DPP10: variants seen among roughly 807,000 people sequenced by gnomAD.
DPP10 encodes dipeptidyl peptidase like 10, also known as inactive dipeptidyl peptidase 10.
In DPP10, 33 loss-of-function variants were observed where a neutral mutation model predicts 120.9. That is an observed-to-expected ratio of 0.27 (90% CI 0.21 to 0.37). DPP10 has a LOEUF of 0.37. Ranked by LOEUF, DPP10 falls within the 10% of genes least tolerant of loss-of-function variation. The pLI, the probability that DPP10 is intolerant of heterozygous loss-of-function variation, is 1.00. For missense variants in DPP10, 816 were observed against 942.8 expected (o/e 0.87, Z 1.76); for synonymous variants, 337 against 326.1 (o/e 1.03, Z -0.36).
At chr2:114,546,057 C>T (rs1255523187) in intron 1 of DPP10, among the ~76,000 whole-genome samples, 1 of 152,172 alleles carries the variant, frequency 6.6e-6, no homozygotes, top group Admixed American at 6.5e-5. Context: ...CCCACCCACA[C>T]TATACAGTTC....
intron 2 of DPP10, among the ~76,000 whole-genome samples, chr2:115,310,290 C>T (rs1201508743): frequency 6.6e-6 from 1 of 151,964 alleles, no homozygotes; most frequent in Non-Finnish European, 1.5e-5. Flanking sequence ...TTTTATGAGC[C>T]CCTTAAACAC....
chr2:114,834,783 C>A (rs1256737584), intron 1 of DPP10, among the ~76,000 whole-genome samples: 2 of 142,674 alleles, frequency 1.4e-5, no homozygotes, highest in African/African-American at 2.7e-5. Flanking sequence ...TATATATAAG[C>A]CATGTCTACA....
chr2:115,502,873 GT>G (rs5833603), intron 4 of DPP10, among the ~76,000 whole-genome samples: 140,153 of 146,398 alleles, frequency 0.96, 67,270 homozygotes, highest in East Asian at 1. Flanking sequence ...TTTTAAAACA[GT>G]TTTTTTTTTT....
At chr2:114,459,813 T>A (rs183788933) in intron 1 of DPP10, among the ~76,000 whole-genome samples, 4 of 152,300 alleles carry the variant, frequency 2.6e-5, no homozygotes, top group Admixed American at 2.6e-4. Flanking sequence ...TGTAGCTATG[T>A]TTTTAATATT....
chr2:114,901,748 G>C (rs1398202856), intron 1 of DPP10, among the ~76,000 whole-genome samples: 1 of 152,094 alleles, frequency 6.6e-6, no homozygotes, highest in African/African-American at 2.4e-5. Flanking sequence ...CACAGACCAG[G>C]GCAGAGCTTT....
intron 5 of DPP10, among the ~76,000 whole-genome samples, chr2:115,688,539 AAAT>A (rs1426778265): frequency 2.6e-5 from 4 of 152,292 alleles, no homozygotes; most frequent in East Asian, 1.9e-4. Flanking sequence ...TAAATCCTGG[AAAT>A]AATAATATCA....
At chr2:115,014,697 A>T (rs1391982639) in intron 1 of DPP10, among the ~76,000 whole-genome samples, 2 of 152,154 alleles carry the variant, frequency 1.3e-5, no homozygotes, top group Admixed American at 6.5e-5. Context: ...CTACCATCAG[A>T]TAATATTATA....
chr2:115,369,861 C>T (rs1443865567), intron 3 of DPP10, among the ~76,000 whole-genome samples: 1 of 151,976 alleles, frequency 6.6e-6, no homozygotes, highest in East Asian at 1.9e-4. Flanking sequence ...TTATTCTGCC[C>T]AAGCCAAAAA....
chr2:115,388,101 C>T (rs2067076654), intron 3 of DPP10, among the ~76,000 whole-genome samples: 1 of 152,136 alleles, frequency 6.6e-6, no homozygotes, highest in South Asian at 2.1e-4. Flanking sequence ...TTATAGGTCA[C>T]ATCACTTTTT....
chr2:114,512,928 A>G (rs151160603), intron 1 of DPP10, among the ~76,000 whole-genome samples: 80 of 152,306 alleles, frequency 5.3e-4, no homozygotes, highest in African/African-American at 1.8e-3. Flanking sequence ...TAAATTATGT[A>G]AAATGCAGAT....
rs1032899697 is a variant in DPP10 at position 114,503,232 on chromosome 2, A to G, written c.60+60394A>G. ...AAGGAGGGATGTGCACAGCTAGTAC[A>G]TCTGTGATATTTGCTTTGGGATCAG... On this transcript the variant is annotated intron_variant, in intron 1 of 25. Coordinates refer to ENST00000410059, the MANE Select transcript of DPP10 (RefSeq NM_020868.6). Among the ~76,000 whole-genome samples, 3 of 152,232 alleles carry G rather than the reference A, an allele frequency of 2.0e-5. No individual in the cohort carries two copies. The South Asian group carries it at 6.2e-4, about 32-fold the overall frequency.
At chr2:115,365,456 A>G (rs1431244644) in intron 3 of DPP10, among the ~76,000 whole-genome samples, 2 of 152,012 alleles carry the variant, frequency 1.3e-5, no homozygotes, top group African/African-American at 4.8e-5. Flanking sequence ...CAAGTTGTCA[A>G]GCAGAAAATA....
At chr2:115,772,084 T>C (rs1480863084) in intron 13 of DPP10, among the ~76,000 whole-genome samples, 2 of 152,148 alleles carry the variant, frequency 1.3e-5, no homozygotes, top group Non-Finnish European at 2.9e-5. Context: ...ATGCATGTGT[T>C]TTCCTCCAGT....
intron 1 of DPP10, among the ~76,000 whole-genome samples, chr2:114,980,785 C>T (rs558024924): frequency 3.3e-5 from 5 of 152,104 alleles, no homozygotes; most frequent in African/African-American, 4.8e-5. Context: ...GCCACTGCAC[C>T]CCACCTCCAC....
chr2:115,825,565 C>T (rs182003518), intron 21 of DPP10, among the ~76,000 whole-genome samples: 1 of 152,304 alleles, frequency 6.6e-6, no homozygotes, highest in Admixed American at 6.5e-5. Context: ...GGAATTCCCT[C>T]TCCCTCTGGA....
At chr2:115,168,037 A>G (rs552400630) in intron 1 of DPP10, among the ~76,000 whole-genome samples, 1 of 152,272 alleles carries the variant, frequency 6.6e-6, no homozygotes, top group Admixed American at 6.5e-5. Context: ...TCAGGGGGTG[A>G]GATTTCAGTC....
At chr2:115,306,217 A>G (rs942682223) in intron 1 of DPP10, among the ~76,000 whole-genome samples, 5 of 152,032 alleles carry the variant, frequency 3.3e-5, no homozygotes, top group Non-Finnish European at 5.9e-5. Context: ...AGAGAAAGGA[A>G]AGTCATATCT....
intron 1 of DPP10, among the ~76,000 whole-genome samples, chr2:114,804,174 C>T (rs1684519936): frequency 1.3e-5 from 2 of 152,242 alleles, no homozygotes; most frequent in African/African-American, 4.8e-5. Flanking sequence ...GGTGTTGAGG[C>T]TGTGGGGGCA....
At chr2:114,811,300 G>A (rs1660784030) in intron 1 of DPP10, among the ~76,000 whole-genome samples, 1 of 152,174 alleles carries the variant, frequency 6.6e-6, no homozygotes, top group Non-Finnish European at 1.5e-5. Flanking sequence ...CATATGATGA[G>A]GGAGGAGATA....
Sources: allele counts gnomAD v4.1 joint callset (sites outside exome capture counted in the v4.1 genomes callset), GRCh38; gene constraint gnomAD v4.1.1; transcripts MANE v1.5; gene names NCBI Gene and HGNC (gene_info 2026-07-23, HGNC 2026-07-21).